PEAK1: variants seen among roughly 807,000 people sequenced by gnomAD.
The protein encoded by PEAK1 is pseudopodium enriched atypical kinase 1, also known as inactive tyrosine-protein kinase PEAK1.
In PEAK1, 54 loss-of-function variants were observed where a neutral mutation model predicts 124.7. The observed-to-expected ratio is 0.43, with a 90% CI of 0.35 to 0.54. The LOEUF is 0.54. Ranked by LOEUF, PEAK1 falls within the 20% of genes least tolerant of loss-of-function variation. PEAK1 has a pLI of 0.01. For missense variants in PEAK1, 2,046 were observed against 2,134.5 expected, an observed-to-expected ratio of 0.96 and a Z score of 0.82; for synonymous variants, 719 against 760.0, an observed-to-expected ratio of 0.95 and a Z score of 0.89.
intron 8 of PEAK1, among the ~76,000 whole-genome samples, chr15:77,135,587 C>A (rs1254613323): frequency 6.6e-6 from 1 of 152,098 alleles, no homozygotes; most frequent in African/African-American, 2.4e-5. Context: ...TGGCTGTGTC[C>A]CCACCCAAAT....
At chr15:77,148,202 C>T (rs2054308911) in intron 8 of PEAK1, among the ~76,000 whole-genome samples, 1 of 152,180 alleles carries the variant, frequency 6.6e-6, no homozygotes, top group Admixed American at 6.5e-5. Flanking sequence ...ACTCCTATTG[C>T]ACCACAGTGG....
At chr15:77,409,024 TCA>T (rs2072173746) in intron 1 of PEAK1, among the ~76,000 whole-genome samples, 1 of 152,128 alleles carries the variant, frequency 6.6e-6, no homozygotes, top group African/African-American at 2.4e-5. Flanking sequence ...TGAGCCATGA[TCA>T]TGCCACTGCA....
At chr15:77,394,302 G>A (rs982376974) in intron 1 of PEAK1, among the ~76,000 whole-genome samples, 2 of 152,190 alleles carry the variant, frequency 1.3e-5, no homozygotes, top group Non-Finnish European at 2.9e-5. Context: ...GGCAGGCAGT[G>A]GTTACCATGG....
Position 77,114,497 on chromosome 15 carries a change from A to G in PEAK1, c.4900T>C (p.Tyr1634His). 1 of 1,614,002 alleles carries G rather than the reference A, an allele frequency of 6.2e-7. No homozygotes were observed. The highest frequency in any genetic ancestry group is 8.5e-7 in the Non-Finnish European group (1 of 1,179,950). The change falls in exon 10 of 10, where the codon TAC becomes CAC. Residue 1634 changes from tyrosine (Y) to histidine (H), a missense_variant. Transcript: ENST00000682557. ...DLPRIPFRSP[Y>H]SRGLQQLASC... ...GCCAGCTGCTGCAGACCCCGGGAGT[A>G]GGGGGAGCGGAATGGGATGCGAGGC...
chr15:77,170,753 A>T (rs2056449212), intron 7 of PEAK1, among the ~76,000 whole-genome samples: 1 of 152,150 alleles, frequency 6.6e-6, no homozygotes, highest in Admixed American at 6.5e-5. Context: ...ATAGGTAGGG[A>T]AACTTTAGCT....
chr15:77,325,331 G>A (rs570448875), intron 2 of PEAK1, among the ~76,000 whole-genome samples: 1 of 152,106 alleles, frequency 6.6e-6, no homozygotes, highest in Admixed American at 6.5e-5. Context: ...GACAGCTTGA[G>A]CCTGAGTGGT....
intron 2 of PEAK1, among the ~76,000 whole-genome samples, chr15:77,312,490 T>C (rs552976570): frequency 6.6e-6 from 1 of 152,314 alleles, no homozygotes; most frequent in Admixed American, 6.5e-5. Flanking sequence ...AATAACTGAA[T>C]TGGCTAAGAC....
At chr15:77,262,491 A>T (rs2061493125) in intron 5 of PEAK1, among the ~76,000 whole-genome samples, 3 of 151,538 alleles carry the variant, frequency 2.0e-5, no homozygotes, top group Admixed American at 2.0e-4. Flanking sequence ...TTAAACCAAT[A>T]AAGATCAAAA....
intron 1 of PEAK1, among the ~76,000 whole-genome samples, chr15:77,395,489 G>A (rs889118537): frequency 6.6e-6 from 1 of 152,026 alleles, no homozygotes; most frequent in African/African-American, 2.4e-5. Flanking sequence ...ACCCATGTAA[G>A]ACTACCTCAA....
chr15:77,382,048 A>AC (rs1248758227), intron 1 of PEAK1, among the ~76,000 whole-genome samples: 8 of 152,316 alleles, frequency 5.3e-5, no homozygotes, highest in African/African-American at 1.9e-4. Context: ...AATTCACAGA[A>AC]AAGTTTCAAG....
chr15:77,138,305 G>C (rs898807964), intron 8 of PEAK1, among the ~76,000 whole-genome samples: 4 of 152,176 alleles, frequency 2.6e-5, no homozygotes, highest in African/African-American at 9.7e-5. Context: ...TGCAGGACTG[G>C]AAGTAGCCCT....
intron 6 of PEAK1, among the ~76,000 whole-genome samples, chr15:77,251,297 A>C (rs1450534957): frequency 6.6e-6 from 1 of 152,236 alleles, no homozygotes; most frequent in East Asian, 1.9e-4. Flanking sequence ...TGCTTTCTAC[A>C]CTACTTGAAA....
In PEAK1 at chr15:77,144,626, T is replaced by C. The variant is rs77067223; in HGVS notation, c.3332-10876A>G. On this transcript the variant is annotated intron_variant, in intron 8 of 9. Coordinates refer to ENST00000682557, the MANE Select transcript of PEAK1 (RefSeq NM_001385026.1). ...GTAGCAAGGAAATAAAGATAAGTAA[T>C]GTGGCTTCTCTTCCCAAATAGCAGG... Among the ~76,000 whole-genome samples, 360 of 152,268 alleles carry C rather than the reference T, an allele frequency of 2.4e-3. 1 individual carries two copies. Among genetic ancestry groups the C allele is most frequent in the African/African-American group, 8.2e-3 (342 of 41,534 alleles).
At position 77,179,975 on chromosome 15, in the gene PEAK1, A is replaced by C. The variant is rs2057144249; in HGVS notation, c.1952T>G (p.Leu651Arg). The change falls in exon 7 of 10, where the codon CTC becomes CGC. Residue 651 changes from leucine to arginine, a missense_variant. By Grantham distance (102) the Leu-to-Arg change is moderately radical. Transcript: ENST00000682557. ...YKSFLGTSGE[L>R]SVKEKTTSVI... is the part of the protein sequence containing the mutation. ...ACTTGTGGTTTTTTCCTTCACTGAG[A>C]GTTCTCCACTTGTTCCCAGAAAACT... is the stretch of plus-strand genomic sequence containing the variant. The C allele has an allele frequency of 6.2e-7, 1 of 1,613,844 alleles. No individual in the cohort carries two copies. The highest frequency in any genetic ancestry group is 1.3e-5 in the African/African-American group (1 of 74,858).
chr15:77,215,104 A>G (rs2059089178), intron 6 of PEAK1, among the ~76,000 whole-genome samples: 1 of 152,196 alleles, frequency 6.6e-6, no homozygotes, highest in Non-Finnish European at 1.5e-5. Context: ...AACCTCATCA[A>G]CACTTGGTAT....
intron 6 of PEAK1, among the ~76,000 whole-genome samples, chr15:77,192,122 T>C (rs1381217481): frequency 6.6e-6 from 1 of 152,238 alleles, no homozygotes; most frequent in East Asian, 1.9e-4. Context: ...GATCTTTAAT[T>C]ACTATTTACT....
intron 1 of PEAK1, among the ~76,000 whole-genome samples, chr15:77,396,744 T>C (rs1430595936): frequency 1.3e-5 from 2 of 152,124 alleles, no homozygotes; most frequent in South Asian, 4.1e-4. Context: ...AATATATATG[T>C]ACCCAACACT....
In PEAK1 at chr15:77,178,807, A is replaced by G; in HGVS notation, c.3120T>C (p.Ile1040=). The G allele has an allele frequency of 2.5e-6, 4 of 1,612,804 alleles. No homozygotes were observed. Among genetic ancestry groups the G allele is most frequent in the Non-Finnish European group, 3.4e-6 (4 of 1,179,318 alleles). The part of the protein sequence containing the change: ...KKRSHSSPSQ[I]PKKILSHMTH... ...TTACATACCTGAGAATCTTTTTAGG[A>G]ATCTGTGATGGAGAAGAATGACTCC... The change falls in exon 7 of 10, where the codon ATT becomes ATC. Residue 1040 remains isoleucine (I), a synonymous_variant. Coordinates refer to ENST00000682557, the MANE Select transcript of PEAK1 (RefSeq NM_001385026.1).
intron 6 of PEAK1, among the ~76,000 whole-genome samples, chr15:77,220,520 C>CAAA (rs34013493): frequency 2.6e-5 from 2 of 76,816 alleles, no homozygotes; most frequent in Admixed American, 1.5e-4. Context: ...AGCTAAAATT[C>CAAA]AAAAAAAAAA....
Sources: gnomAD v4.1 joint callset for allele counts (sites outside exome capture counted in the v4.1 genomes callset) on GRCh38, gnomAD v4.1.1 for gene constraint, MANE v1.5 for transcripts, NCBI Gene and HGNC (gene_info 2026-07-23, HGNC 2026-07-21) for gene names.